Variants in RYR1 observed in about 807,000 individuals in gnomAD.
RYR1 encodes central core disease of muscle.
In RYR1, 342 loss-of-function variants were observed where a neutral mutation model predicts 583.5. That is an observed-to-expected ratio of 0.59 (90% CI 0.54 to 0.64). The LOEUF (loss-of-function observed/expected upper bound fraction) is 0.64. Ranked by LOEUF, RYR1 falls within the 30% of genes least tolerant of loss-of-function variation. The pLI, the probability that RYR1 is intolerant of heterozygous loss-of-function variation, is 0.00. For synonymous variants in RYR1, 2,791 were observed against 2,822.5 expected (o/e 0.99, Z 0.35); for missense variants, 6,032 against 6,917.2 (o/e 0.87, Z 4.54).
At chr19:38,523,985 C>G (rs1600915437) in intron 70 of RYR1, 56 bp downstream of exon 70, 1 of 1,605,710 alleles carries the variant, frequency 6.2e-7, no homozygotes, top group East Asian at 2.2e-5. Flanking sequence ...CCTCTTCCCC[C>G]AGCCTCTGCA....
In RYR1 at chr19:38,455,327, C is replaced by T. The variant is rs758172706; in HGVS notation, c.1533C>T (p.Ala511=). ...HFAEFAGEEA[A]ESWKEIVNLL... is the part of the protein sequence containing the mutation. ...CTGAGTTTGCAGGGGAGGAGGCAGC[C>T]GAGTCCTGGAAAGAGATTGTGAATC... Residue 511 remains alanine (A), a synonymous_variant, in exon 14 of 106, where the codon GCC becomes GCT. Coordinates refer to ENST00000359596, the MANE Select transcript of RYR1 (RefSeq NM_000540.3). 4.2e-5 allele frequency: 67 copies of T among 1,613,916 alleles called. No homozygotes were observed. The highest frequency in any genetic ancestry group is 5.2e-5 in the Non-Finnish European group (61 of 1,179,988).
At chr19:38,490,320 C>A in intron 36 of RYR1, 44 bp downstream of exon 36, 1 of 1,556,230 alleles carries the variant, frequency 6.4e-7, no homozygotes, top group East Asian at 2.3e-5. Flanking sequence ...GTCTAAACCC[C>A]AACCTCAACA....
At chr19:38,495,342 C>T (rs1482532812) in intron 39 of RYR1, among the ~76,000 whole-genome samples, 1 of 152,102 alleles carries the variant, frequency 6.6e-6, no homozygotes, top group African/African-American at 2.4e-5. Context: ...CTACTTCGTG[C>T]CAGGCATTTC....
Position 38,543,855 on chromosome 19 carries a change from A to G in RYR1, c.11992A>G (p.Met3998Val), listed in dbSNP as rs1392997255. 3 of 1,613,678 alleles carry G rather than the reference A, an allele frequency of 1.9e-6. No homozygotes were observed. The highest frequency in any genetic ancestry group is 2.5e-6 in the Non-Finnish European group (3 of 1,180,010). Residue 3998 changes from methionine to valine, a missense_variant, in exon 87 of 106, where the codon ATG becomes GTG. Physicochemically the swap from Met to Val is conservative, Grantham distance 21. Around this residue, in one of 11 missense-constraint regions of RYR1, gnomAD observed 82 missense variants for 139.7 expected, o/e 0.59. Transcript: ENST00000359596. The surrounding 1 kb of genome is among the most constrained non-coding windows in gnomAD (Gnocchi z 4.4). ...VVGFLHVFAH[M>V]MMKLAQDSSQ... Reference sequence around the variant, plus strand: ...GGGATTCCTGCACGTGTTCGCCCACATGATGATGAAGCTCGCTCAGGTTCG... The same window carrying G: ...GGGATTCCTGCACGTGTTCGCCCACGTGATGATGAAGCTCGCTCAGGTTCG...
intron 88 of RYR1, among the ~76,000 whole-genome samples, chr19:38,547,718 CTT>C (rs34547615): frequency 2.2e-4 from 31 of 142,066 alleles, no homozygotes; most frequent in Admixed American, 3.5e-4. Context: ...TCATCATTAT[CTT>C]TTTTTTTTTT....
intron 1 of RYR1, among the ~76,000 whole-genome samples, chr19:38,436,205 C>T (rs943558479): frequency 1.3e-5 from 2 of 151,882 alleles, no homozygotes; most frequent in Non-Finnish European, 2.9e-5. Flanking sequence ...CCACCACGCC[C>T]GGCCTTTTTT....
chr19:38,573,217 G>A lies in RYR1; in HGVS notation c.14039G>A (p.Arg4680Gln), dbSNP rs1973803521. Residue 4680 changes from arginine (R) to glutamine (Q), a missense_variant, in exon 96 of 106, where the codon CGG becomes CAG. Transcript: ENST00000359596. ...VIFKREKELA[R>Q]KLEFDGLYIT... ...TTTAAGCGGGAGAAGGAGCTGGCCC[G>A]GAAGCTGGAGTTTGATGGCCTGTAC... is the stretch of plus-strand genomic sequence containing the variant. The A allele has an allele frequency of 4.3e-6, 7 of 1,613,980 alleles. No individual in the cohort carries two copies. The highest frequency in any genetic ancestry group is 5.1e-6 in the Non-Finnish European group (6 of 1,179,920).
chr19:38,553,169 T>C (rs1972738092), intron 89 of RYR1, among the ~76,000 whole-genome samples: 1 of 145,798 alleles, frequency 6.9e-6, no homozygotes, highest in South Asian at 2.2e-4. Flanking sequence ...TCCCCATCTC[T>C]ACTAAAAATA....
chr19:38,466,019 G>C, intron 23 of RYR1, 72 bp from the exon 24 acceptor site: 4 of 1,417,012 alleles, frequency 2.8e-6, no homozygotes, highest in Non-Finnish European at 3.9e-6. Flanking sequence ...CAGCAGTCAG[G>C]GATCCCATAT....
intron 31 of RYR1, among the ~76,000 whole-genome samples, chr19:38,480,052 T>A (rs1473445584): frequency 1.3e-5 from 2 of 152,004 alleles, no homozygotes; most frequent in Admixed American, 6.6e-5. Context: ...ATTAAAAACG[T>A]ATACAAGAAT....
At chr19:38,535,962 T>C in intron 81 of RYR1, 35 bp from the exon 82 acceptor site, 1 of 1,601,754 alleles carries the variant, frequency 6.2e-7, no homozygotes, top group Non-Finnish European at 8.5e-7. Flanking sequence ...AGAGGCTTCA[T>C]CACATACCCC....
chr19:38,448,864 G>A (rs1018898232), intron 11 of RYR1, 51 bp downstream of exon 11: 8 of 1,545,240 alleles, frequency 5.2e-6, no homozygotes, highest in Non-Finnish European at 7.1e-6. Flanking sequence ...AATCGCTTGA[G>A]TCCAGGAGGT....
chr19:38,443,987 T>G, intron 5 of RYR1, among the ~76,000 whole-genome samples, 162 bp from the exon 6 acceptor site: 1 of 151,030 alleles, frequency 6.6e-6, no homozygotes, highest in Non-Finnish European at 1.5e-5. Context: ...AGGCAGAGAG[T>G]CTGAAGTCAG....
At position 38,520,693 on chromosome 19, in the gene RYR1, C is replaced by CAAAAAAAA. The variant is rs71165555; in HGVS notation, c.10259+1258_10259+1265dup. ...CTAGGAACAGAGCGAGGCTCCACCT[C>CAAAAAAAA]AAAAAAAAAAAAAAAAAAAAAAAAA... On this transcript the variant is annotated intron_variant, in intron 67 of 105. Transcript: ENST00000359596. Among the ~76,000 whole-genome samples, 26 of 46,896 alleles carry CAAAAAAAA rather than the reference C, an allele frequency of 5.5e-4. 1 individual carries two copies. Among genetic ancestry groups the CAAAAAAAA allele is most frequent in the Middle Eastern group, 0.015 (1 of 68 alleles). 30.8% of individuals were successfully genotyped at this position (46,896 alleles called of 152,430 possible). A position where few individuals can be genotyped will look rare whatever the true frequency, so the allele number is the denominator to read the frequency against.
At chr19:38,520,838 A>T (rs1046125619) in intron 67 of RYR1, among the ~76,000 whole-genome samples, 1 of 152,026 alleles carries the variant, frequency 6.6e-6, no homozygotes, top group African/African-American at 2.4e-5. Context: ...ACAACAGAAG[A>T]CTCCACGGCA....
rs769053323 is a variant in RYR1, at chr19:38,469,001, G to A, written c.3417G>A (p.Gly1139=). The change falls in exon 26 of 106, where the codon GGG becomes GGA. Residue 1139 remains glycine (G), a synonymous_variant. Transcript: ENST00000359596. ...QRWHLGSEPF[G]RPWQPGDVVG... is the part of the protein sequence containing the mutation. ...GGCACTTGGGCAGTGAACCATTTGGGCGCCCCTGGCAGCCGGGCGATGTCG... is the reference window on the plus strand; with the variant it reads ...GGCACTTGGGCAGTGAACCATTTGGACGCCCCTGGCAGCCGGGCGATGTCG... 21 of 1,614,138 alleles carry A rather than the reference G, an allele frequency of 1.3e-5. No individual in the cohort carries two copies. The highest frequency in any genetic ancestry group is 1.7e-5 in the Non-Finnish European group (20 of 1,180,036).
At position 38,458,128 on chromosome 19, in the gene RYR1, A is replaced by G; in HGVS notation, c.2003A>G (p.Asp668Gly). Residue 668 changes from aspartate to glycine, a missense_variant, in exon 18 of 106, where the codon GAC becomes GGC. Asp to Gly is a moderately conservative substitution (Grantham distance 94). Coordinates refer to ENST00000359596, the MANE Select transcript of RYR1 (RefSeq NM_000540.3). Reference sequence around the variant, plus strand: ...AAATGGTACTTTGAGGTGATGGTGGACGAGGTGACTCCATTTCTGACAGCT... The same window carrying G: ...AAATGGTACTTTGAGGTGATGGTGGGCGAGGTGACTCCATTTCTGACAGCT... Reference protein sequence around the residue: ...YSKWYFEVMVDEVTPFLTAQA... With the variant: ...YSKWYFEVMVGEVTPFLTAQA... 2 of 1,613,982 alleles carry G rather than the reference A, an allele frequency of 1.2e-6. No individual in the cohort carries two copies. The highest frequency in any genetic ancestry group is 2.2e-5 in the South Asian group (2 of 91,084).
chr19:38,558,679 T>C (rs976982503), intron 89 of RYR1, among the ~76,000 whole-genome samples: 5 of 151,946 alleles, frequency 3.3e-5, no homozygotes, highest in Admixed American at 6.6e-5. Context: ...CTCAGAAGAC[T>C]GAGGCAGGAG....
chr19:38,575,789 T>G, intron 96 of RYR1, 130 bp from the exon 97 acceptor site: 1 of 951,420 alleles, frequency 1.1e-6, no homozygotes, highest in Non-Finnish European at 1.7e-6. Context: ...GGCAACAGAG[T>G]GAGACTCCAT....
Sources: allele counts gnomAD v4.1 joint callset (sites outside exome capture counted in the v4.1 genomes callset), GRCh38; gene constraint gnomAD v4.1.1; regional missense constraint gnomAD v4.1.1; non-coding constraint Gnocchi (gnomAD v3.1); transcripts MANE v1.5; gene names NCBI Gene and HGNC (gene_info 2026-07-23, HGNC 2026-07-21).